LRP4: variants seen among roughly 807,000 people sequenced by gnomAD.
LRP4 encodes the protein LDL receptor related protein 4.
Under a neutral mutation model 220.3 loss-of-function variants are expected in LRP4, and 95 were observed. The ratio of observed to expected loss-of-function variants is 0.43; its 90% CI spans 0.37 to 0.51. LRP4 has a LOEUF of 0.51. Ranked by LOEUF, LRP4 falls within the 20% of genes least tolerant of loss-of-function variation. The probability of loss-of-function intolerance (pLI) is 0.00; values close to 1 mark genes in which losing one functional copy is unlikely to be tolerated. For synonymous variants in LRP4, 903 were observed against 954.6 expected, an observed-to-expected ratio of 0.95 and a Z score of 1.00; for missense variants, 1,925 against 2,567.0, an observed-to-expected ratio of 0.75 and a Z score of 5.40.
At chr11:46,861,522 A>ATTTT (rs1565773314) in intron 37 of LRP4, among the ~76,000 whole-genome samples, 21 of 38,144 alleles carry the variant, frequency 5.5e-4, no homozygotes, top group East Asian at 2.2e-3. Flanking sequence ...TGGAAATGGG[A>ATTTT]CTTTTTTTTT....
intron 1 of LRP4, among the ~76,000 whole-genome samples, chr11:46,903,887 G>A (rs1941714032): frequency 6.6e-6 from 1 of 152,198 alleles, no homozygotes; most frequent in South Asian, 2.1e-4. Flanking sequence ...CTCTCCCCCG[G>A]CTTCAGCAGC....
At chr11:46,914,303 G>A (rs1941914257) in intron 1 of LRP4, among the ~76,000 whole-genome samples, 3 of 152,174 alleles carry the variant, frequency 2.0e-5, no homozygotes, top group South Asian at 4.2e-4. Flanking sequence ...AGGTCTGTGG[G>A]TGCTTCTTAA....
rs936848925 is a variant in LRP4, at chr11:46,858,781, C to T, written c.*202G>A. The T allele has an allele frequency of 9.5e-6, 6 of 632,614 alleles. No homozygotes were observed. The highest frequency in any genetic ancestry group is 3.6e-5 in the African/African-American group (2 of 55,284). 39.2% of individuals were successfully genotyped at this position (632,614 alleles called of 1,614,324 possible). ...ATGGTAAAATCCAGGTCTAAATTCTCGTGATGTGCCATCATTTCTTGTGCA... is the reference window on the plus strand; with the variant it reads ...ATGGTAAAATCCAGGTCTAAATTCTTGTGATGTGCCATCATTTCTTGTGCA... On this transcript the variant is annotated 3_prime_UTR_variant, in exon 38 of 38. Coordinates refer to ENST00000378623, the MANE Select transcript of LRP4 (RefSeq NM_002334.4).
At position 46,876,782 on chromosome 11, in the gene LRP4, T is replaced by C. The variant is rs773329789; in HGVS notation, c.3326A>G (p.Asn1109Ser). Reference protein sequence around the residue: ...DSTLHRISRANLDGSQHEDII... With the variant: ...DSTLHRISRASLDGSQHEDII... Reference sequence around the variant, plus strand: ...GTCCTCATGCTGTGAGCCATCCAGATTGGCACGACTGATCCTGTGCAGTGT... The same window carrying C: ...GTCCTCATGCTGTGAGCCATCCAGACTGGCACGACTGATCCTGTGCAGTGT... Residue 1109 changes from asparagine to serine, a missense_variant, in exon 24 of 38, where the codon AAT (asparagine) becomes AGT (serine). By Grantham distance (46) the Asn-to-Ser change is conservative (BLOSUM62 1). Transcript: ENST00000378623. 6.8e-6 allele frequency: 11 copies of C among 1,614,118 alleles called. No homozygotes were observed. Among genetic ancestry groups the C allele is most frequent in the Non-Finnish European group, 9.3e-6 (11 of 1,180,014 alleles).
chr11:46,884,816 CA>C (rs1215206238), intron 18 of LRP4, among the ~76,000 whole-genome samples: 4 of 150,508 alleles, frequency 2.7e-5, no homozygotes, highest in African/African-American at 9.8e-5. Context: ...GAGGCTGAGG[CA>C]GAAGAATCCT....
chr11:46,860,184 A>T (rs111505668), intron 37 of LRP4, among the ~76,000 whole-genome samples: 1 of 151,452 alleles, frequency 6.6e-6, no homozygotes, highest in South Asian at 2.1e-4. Context: ...ACAGTGAGCC[A>T]AGATCATGCC....
chr11:46,876,004 T>C, intron 25 of LRP4, 38 bp from the exon 26 acceptor site: 1 of 1,594,896 alleles, frequency 6.3e-7, no homozygotes, highest in Non-Finnish European at 8.6e-7. Flanking sequence ...TAGCTAGTTA[T>C]TCCAGCAGCT....
chr11:46,881,359 A>G (rs1941155353), intron 20 of LRP4, among the ~76,000 whole-genome samples: 1 of 152,234 alleles, frequency 6.6e-6, no homozygotes, highest in Admixed American at 6.5e-5. Context: ...ACAAAAACAA[A>G]AAGAGATGAA....
chr11:46,884,062 G>A (rs575265307), intron 18 of LRP4, 86 bp from the exon 19 acceptor site: 65 of 1,015,386 alleles, frequency 6.4e-5, no homozygotes, highest in Admixed American at 1.2e-4. Context: ...CCTGGTATGC[G>A]CCAGCAGAGC....
chr11:46,864,416 G>A lies in LRP4; in HGVS notation c.5243+32C>T. 5 of 1,470,288 alleles carry A rather than the reference G, an allele frequency of 3.4e-6. No individual in the cohort carries two copies. In the East Asian group the frequency reaches 9.1e-5, roughly 27 times the overall value. 91.1% of individuals were successfully genotyped at this position (1,470,288 alleles called of 1,614,324 possible). A position where few individuals can be genotyped will look rare whatever the true frequency, so the allele number is the denominator to read the frequency against. ...CAGACATGCTCATGAAGACCAATGAGCATGTGGCCCCTGTAGCAAGACTGA... is the reference window on the plus strand; with the variant it reads ...CAGACATGCTCATGAAGACCAATGAACATGTGGCCCCTGTAGCAAGACTGA... On this transcript the variant is annotated intron_variant, in intron 36 of 37. Coordinates refer to ENST00000378623, the MANE Select transcript of LRP4 (RefSeq NM_002334.4).
intron 24 of LRP4, 45 bp downstream of exon 24, chr11:46,876,699 C>A: frequency 6.2e-7 from 1 of 1,614,040 alleles, no homozygotes. Flanking sequence ...ATTTCCCCAG[C>A]CCTGTTGCCA....
At chr11:46,895,808 C>G in intron 10 of LRP4, 76 bp downstream of exon 10, 1 of 1,591,458 alleles carries the variant, frequency 6.3e-7, no homozygotes, top group Non-Finnish European at 8.5e-7. Context: ...AATGCCTGAC[C>G]CATAGGAAAC....
At chr11:46,862,068 C>CAAAAAA (rs35296081) in intron 37 of LRP4, among the ~76,000 whole-genome samples, 35 of 63,690 alleles carry the variant, frequency 5.5e-4, no homozygotes, top group African/African-American at 7.3e-4. Context: ...AACTCTGTCT[C>CAAAAAA]AAAAAAAAAA....
chr11:46,870,738 C>T (rs532355141), intron 31 of LRP4, among the ~76,000 whole-genome samples: 107 of 152,278 alleles, frequency 7.0e-4, no homozygotes, highest in South Asian at 1.2e-3. Flanking sequence ...TTTAAATGAT[C>T]GAGAATTCCT....
chr11:46,866,294 T>C (rs530841835), intron 34 of LRP4, among the ~76,000 whole-genome samples: 126 of 151,716 alleles, frequency 8.3e-4, no homozygotes, highest in Non-Finnish European at 1.4e-3. Context: ...GTTTTTTGTT[T>C]TTTTTTTGAG....
intron 16 of LRP4, among the ~76,000 whole-genome samples, chr11:46,888,014 CAAAAAAAAAAA>C (rs59369000): frequency 8.7e-5 from 4 of 45,906 alleles, no homozygotes; most frequent in Non-Finnish European, 1.0e-4. Context: ...GACCCTGTCT[CAAAAAAAAAAA>C]AAAAAAAAAA....
chr11:46,918,153 C>G lies in LRP4; in HGVS notation c.52+175G>C, dbSNP rs926256200. 1.3e-5 allele frequency among the ~76,000 whole-genome samples: 2 copies of G among 151,982 alleles called. No homozygotes were observed. The highest frequency in any genetic ancestry group is 4.8e-5 in the African/African-American group (2 of 41,384). On this transcript the variant is annotated intron_variant, in intron 1 of 37. Transcript: ENST00000378623. This position sits in a 1 kb window ranked among gnomAD's most constrained non-coding sequence, Gnocchi z 6.0. The stretch of plus-strand genomic sequence containing the variant: ...AAGCGCCTCCGCTGATGCCCCCGCT[C>G]GGACTGCTGGAGCCGGGGCCGCTCC...
intron 19 of LRP4, among the ~76,000 whole-genome samples, chr11:46,882,659 C>A (rs1941190033): frequency 6.6e-6 from 1 of 151,830 alleles, no homozygotes; most frequent in South Asian, 2.1e-4. Context: ...TGACACCAGC[C>A]TAGACAACAT....
chr11:46,892,211 G>A (rs1330041243), intron 13 of LRP4, among the ~76,000 whole-genome samples: 1 of 152,160 alleles, frequency 6.6e-6, no homozygotes, highest in Non-Finnish European at 1.5e-5. Context: ...GGAATTATAG[G>A]TGTGAGCCAC....
Sources: allele counts gnomAD v4.1 joint callset (sites outside exome capture counted in the v4.1 genomes callset), GRCh38; gene constraint gnomAD v4.1.1; non-coding constraint Gnocchi (gnomAD v3.1); transcripts MANE v1.5; gene names NCBI Gene and HGNC (gene_info 2026-07-23, HGNC 2026-07-21).